The following XG variants were observed in gnomAD, a reference collection of about 807,000 sequenced individuals.
XG encodes glycoprotein Xg.
Under a neutral mutation model 25.7 loss-of-function variants are expected in XG, and 24 were observed. The ratio of observed to expected loss-of-function variants is 0.93; its 90% CI spans 0.68 to 1.31. The LOEUF is 1.31. Among genes scored for constraint, XG ranks in the 40% most tolerant of loss-of-function variants. XG has a pLI of 0.00. For missense variants in XG, 181 were observed against 187.6 expected, an observed-to-expected ratio of 0.96 and a Z score of 0.21; for synonymous variants, 77 against 69.2, an observed-to-expected ratio of 1.11 and a Z score of -0.56.
intron 2 of XG, 121 bp downstream of exon 2, chrX:2,770,712 CTGTTCTTTGCAGGAGAT>C: frequency 8.3e-7 from 1 of 1,204,194 alleles, no homozygotes; most frequent in South Asian, 1.3e-5. Context: ...CTTGAGATCT[CTGTTCTTTGCAGGAGAT>C]TGCAGACACC....
chrX:2,804,827 T>G (rs1017690688), intron 7 of XG, among the ~76,000 whole-genome samples: 6 of 111,814 alleles, frequency 5.4e-5, no homozygotes, highest in Non-Finnish European at 7.5e-5. Context: ...GCTGTATCCC[T>G]GGGGCAAAAC....
intron 5 of XG, among the ~76,000 whole-genome samples, chrX:2,793,075 A>G (rs1408464396): frequency 7.7e-4 from 84 of 109,164 alleles, no homozygotes; most frequent in African/African-American, 2.5e-3. Context: ...AATTTTTTGT[A>G]TTTTTTTGTA....
chrX:2,792,402 A>G (rs1340616882), intron 5 of XG, among the ~76,000 whole-genome samples: 1 of 111,140 alleles, frequency 9.0e-6, no homozygotes, highest in Non-Finnish European at 1.9e-5. Context: ...TGGCGGGATC[A>G]CAGCTCACTG....
chrX:2,782,973 G>A (rs1268743745), intron 4 of XG, among the ~76,000 whole-genome samples: 5 of 111,695 alleles, frequency 4.5e-5, no homozygotes, highest in Non-Finnish European at 9.4e-5. Flanking sequence ...TCACACCCAG[G>A]AAAGAACAAG....
chrX:2,774,342 G>C (rs1162339707), intron 2 of XG, among the ~76,000 whole-genome samples: 1 of 152,016 alleles, frequency 6.6e-6, no homozygotes, highest in Non-Finnish European at 1.5e-5. Context: ...AAGAAAGTGA[G>C]ATAAGCCATC....
chrX:2,781,221 A>G (rs2051113247), intron 3 of XG, among the ~76,000 whole-genome samples: 1 of 151,590 alleles, frequency 6.6e-6, no homozygotes, highest in Admixed American at 6.6e-5. Context: ...TTAAAGCATG[A>G]CAAAATAATG....
At chrX:2,809,031 C>T (rs917763341) in intron 9 of XG, among the ~76,000 whole-genome samples, 1 of 111,330 alleles carries the variant, frequency 9.0e-6, no homozygotes, top group African/African-American at 3.3e-5. Context: ...ATATGGGATC[C>T]TGTAGCAAGG....
In XG at chrX:2,752,198, A is replaced by C; in HGVS notation, c.-77A>C. On this transcript the variant is annotated 5_prime_UTR_variant, in exon 1 of 11. Transcript: ENST00000644266. The stretch of plus-strand genomic sequence containing the variant: ...AGCTGGGAGACCAGAAGTCAACAAC[A>C]GGAGGGTGGAGAGGCCGGGTCTCAC... 6.2e-7 allele frequency: 1 copy of C among 1,606,272 alleles called. No homozygotes were observed. Among genetic ancestry groups the C allele is most frequent in the Non-Finnish European group, 8.5e-7 (1 of 1,174,924 alleles).
At chrX:2,759,430 G>T (rs1165560483) in intron 1 of XG, among the ~76,000 whole-genome samples, 1 of 151,970 alleles carries the variant, frequency 6.6e-6, no homozygotes, top group Non-Finnish European at 1.5e-5. Flanking sequence ...GTCCTGTACA[G>T]TATAGGAGGT....
chrX:2,772,317 A>G (rs894793870), intron 2 of XG, among the ~76,000 whole-genome samples: 6 of 152,174 alleles, frequency 3.9e-5, no homozygotes, highest in African/African-American at 1.4e-4. Flanking sequence ...AAACAACCCA[A>G]CTGTCCATCA....
At chrX:2,772,917 G>T (rs1268601786) in intron 2 of XG, among the ~76,000 whole-genome samples, 6 of 152,170 alleles carry the variant, frequency 3.9e-5, no homozygotes, top group African/African-American at 9.7e-5. Context: ...CCCCAGTGCA[G>T]AGGAACCACA....
At chrX:2,767,453 A>C (rs2050725416) in intron 1 of XG, among the ~76,000 whole-genome samples, 1 of 152,166 alleles carries the variant, frequency 6.6e-6, no homozygotes, top group South Asian at 2.1e-4. Context: ...TAGGGATCCC[A>C]GACCACAAGG....
At chrX:2,770,175 G>C (rs776926980) in intron 1 of XG, among the ~76,000 whole-genome samples, 1 of 152,218 alleles carries the variant, frequency 6.6e-6, no homozygotes, top group East Asian at 1.9e-4. Flanking sequence ...CAACGTGAAC[G>C]CAACTCAAGA....
intron 5 of XG, among the ~76,000 whole-genome samples, chrX:2,794,019 G>A (rs1006181592): frequency 1.4e-4 from 16 of 111,106 alleles, no homozygotes; most frequent in African/African-American, 5.2e-4. Flanking sequence ...GATGGGCCTA[G>A]GTGGGAGGTG....
At position 2,753,603 on chromosome X, in the gene XG, C is replaced by T. The variant is rs192873141; in HGVS notation, c.61+1268C>T. Among the ~76,000 whole-genome samples the T allele has an allele frequency of 8.4e-4, 125 of 149,648 alleles. 1 individual carries two copies. Among genetic ancestry groups the T allele is most frequent in the Middle Eastern group, 3.4e-3 (1 of 294 alleles). The stretch of plus-strand genomic sequence containing the variant: ...CTTTTCTTTTTTTTTTTTGAGATGT[C>T]GTGTCGTTTCATTCTGTTGCCCAGG... On this transcript the variant is annotated intron_variant, in intron 1 of 10. Transcript: ENST00000644266.
At chrX:2,759,101 C>A (rs1337855704) in intron 1 of XG, among the ~76,000 whole-genome samples, 1 of 152,168 alleles carries the variant, frequency 6.6e-6, no homozygotes, top group Non-Finnish European at 1.5e-5. Flanking sequence ...CTGTGACATT[C>A]TTCTGCTACC....
chrX:2,790,855 CTCATCT>C (rs1254106982), intron 5 of XG, among the ~76,000 whole-genome samples: 9 of 111,843 alleles, frequency 8.0e-5, no homozygotes, highest in Admixed American at 7.6e-4. Flanking sequence ...CTTAAAAATT[CTCATCT>C]CCATGGTGAA....
intron 5 of XG, 76 bp downstream of exon 5, chrX:2,789,782 ATTT>A (rs1274654975): frequency 4.4e-6 from 2 of 453,985 alleles, no homozygotes; most frequent in Non-Finnish European, 6.4e-6. Flanking sequence ...ATTCTATGTT[ATTT>A]TACTTTATTT....
intron 4 of XG, among the ~76,000 whole-genome samples, chrX:2,782,550 A>G (rs1224937107): frequency 9.0e-6 from 1 of 110,540 alleles, no homozygotes; most frequent in Non-Finnish European, 1.9e-5. Context: ...GGGGCTTGGG[A>G]AGTGGGGAGT....
Sources: gnomAD v4.1 joint callset for allele counts (sites outside exome capture counted in the v4.1 genomes callset) on GRCh38, gnomAD v4.1.1 for gene constraint, MANE v1.5 for transcripts, NCBI Gene and HGNC (gene_info 2026-07-23, HGNC 2026-07-21) for gene names.